Variants in LMO7 observed in about 807,000 individuals in gnomAD.
LMO7 encodes the protein LIM domain only protein 7.
In LMO7, 120 loss-of-function variants were observed where a neutral mutation model predicts 206.5. That is an observed-to-expected ratio of 0.58 (90% CI 0.50 to 0.68). The LOEUF is 0.68. LMO7 is among the 30% of genes least tolerant of loss of function. The pLI, the probability that LMO7 is intolerant of heterozygous loss-of-function variation, is 0.00. For synonymous variants in LMO7, 706 were observed against 681.5 expected (o/e 1.04, Z -0.56); for missense variants, 1,959 against 1,957.9 (o/e 1.00, Z -0.01).
At chr13:75,744,701 A>G (rs2046689292) in intron 3 of LMO7, among the ~76,000 whole-genome samples, 1 of 152,218 alleles carries the variant, frequency 6.6e-6, no homozygotes, top group Admixed American at 6.5e-5. Flanking sequence ...CATCCTGAAA[A>G]TATTTATTGA....
chr13:75,722,494 A>T (rs938312868), intron 2 of LMO7, among the ~76,000 whole-genome samples: 8 of 152,224 alleles, frequency 5.3e-5, no homozygotes, highest in African/African-American at 1.9e-4. Flanking sequence ...CCACAGTGTA[A>T]TACCACCTCA....
intron 4 of LMO7, among the ~76,000 whole-genome samples, chr13:75,786,283 G>T (rs144309989): frequency 1.8e-3 from 280 of 152,156 alleles, no homozygotes; most frequent in Non-Finnish European, 3.4e-3. Flanking sequence ...CCCTTCTGTT[G>T]GTCTTGCTGG....
chr13:75,622,149 C>G (rs755089339), intron 1 of LMO7: 1 of 198,040 alleles, frequency 5.0e-6, no homozygotes, highest in Non-Finnish European at 1.0e-5. Flanking sequence ...GCACGGAATA[C>G]ATAGTAATCA....
At chr13:75,697,712 C>T (rs989890924) in intron 1 of LMO7, among the ~76,000 whole-genome samples, 2 of 152,152 alleles carry the variant, frequency 1.3e-5, no homozygotes, top group Non-Finnish European at 2.9e-5. Flanking sequence ...TTTTAAGATA[C>T]TATTCTTCAT....
chr13:75,626,577 T>TATATATATATATATATATATATATATA lies in LMO7; in HGVS notation c.225+3257_225+3258insATATATATATATATATATATATATATA, dbSNP rs71127564. ...ATTGTCTACCCTCTTAACATATATA[T>TATATATATATATATATATATATATATA]TATATATATATATATAAATTTTTTT... On this transcript the variant is annotated intron_variant, in intron 2 of 29. Coordinates refer to the LMO7 transcript ENST00000341547. Among the ~76,000 whole-genome samples, 173 of 74,422 alleles carry TATATATATATATATATATATATATATA rather than the reference T, an allele frequency of 2.3e-3. 22 individuals are homozygous for TATATATATATATATATATATATATATA. The highest frequency in any genetic ancestry group is 6.8e-3 in the African/African-American group (156 of 22,860). The allele number at this position is 74,422 out of a possible 152,430, so 48.8% of individuals were successfully genotyped here. A position where few individuals can be genotyped will look rare whatever the true frequency, so the allele number is the denominator to read the frequency against.
At chr13:75,769,797 A>C (rs7335067) in intron 4 of LMO7, among the ~76,000 whole-genome samples, 3 of 151,862 alleles carry the variant, frequency 2.0e-5, no homozygotes, top group Non-Finnish European at 2.9e-5. Context: ...TATTACTGTC[A>C]TTACTATAGT....
upstream of LMO7, among the ~76,000 whole-genome samples, chr13:75,635,440 C>G (rs1464724455): frequency 6.6e-6 from 1 of 152,172 alleles, no homozygotes; most frequent in Admixed American, 6.5e-5. Context: ...CGCCCCGCCC[C>G]CAACCCCCCG....
chr13:75,854,328 A>G (rs1318390898), intron 28 of LMO7, among the ~76,000 whole-genome samples: 1 of 152,228 alleles, frequency 6.6e-6, no homozygotes, highest in African/African-American at 2.4e-5. Flanking sequence ...AGGTACTAGT[A>G]TATAAAGTGT....
At chr13:75,708,973 GT>G (rs1336291487) in intron 1 of LMO7, among the ~76,000 whole-genome samples, 1 of 151,896 alleles carries the variant, frequency 6.6e-6, no homozygotes, top group African/African-American at 2.4e-5. Flanking sequence ...ACAGGCCCCG[GT>G]GTGTGATGTT....
chr13:75,811,465 G>T (rs1183500732), intron 11 of LMO7, among the ~76,000 whole-genome samples: 1 of 152,130 alleles, frequency 6.6e-6, no homozygotes, highest in Non-Finnish European at 1.5e-5. Context: ...ATATTTCTCT[G>T]AACATAATGT....
chr13:75,813,283 G>C (rs2056624515), intron 11 of LMO7, among the ~76,000 whole-genome samples: 3 of 152,208 alleles, frequency 2.0e-5, no homozygotes, highest in Admixed American at 2.0e-4. Flanking sequence ...AGCTTGGAGA[G>C]TTAGCTTTTG....
At chr13:75,855,727 C>T (rs1338818151) in intron 29 of LMO7, among the ~76,000 whole-genome samples, 1 of 152,222 alleles carries the variant, frequency 6.6e-6, no homozygotes, top group Non-Finnish European at 1.5e-5. Context: ...ATCACAGTGT[C>T]TGAAAGCCTA....
chr13:75,806,261 G>A, intron 9 of LMO7: 1 of 989,326 alleles, frequency 1.0e-6, no homozygotes, highest in Non-Finnish European at 1.2e-6. Flanking sequence ...GATGAGCCCA[G>A]GTGCCCCTGT....
intron 1 of LMO7, among the ~76,000 whole-genome samples, chr13:75,651,183 A>G (rs936794296): frequency 3.3e-5 from 5 of 152,248 alleles, no homozygotes; most frequent in African/African-American, 1.2e-4. Context: ...TACAATTTAC[A>G]GTAATGCTTT....
In LMO7 at chr13:75,834,402, C is replaced by T; in HGVS notation, c.3226+15C>T. The stretch of plus-strand genomic sequence containing the variant: ...TGGAAAGGCTGGTGAGTTTGTGTTA[C>T]CACCATGTCTGGCATTTGAAACTGG... On this transcript the variant is annotated intron_variant, in intron 17 of 30. Transcript: ENST00000377534. The T allele has an allele frequency of 6.4e-7, 1 of 1,551,220 alleles. No homozygotes were observed. Among genetic ancestry groups the T allele is most frequent in the Non-Finnish European group, 8.7e-7 (1 of 1,147,444 alleles).
intron 2 of LMO7, among the ~76,000 whole-genome samples, chr13:75,723,753 G>T (rs2044230061): frequency 6.6e-6 from 1 of 152,112 alleles, no homozygotes; most frequent in African/African-American, 2.4e-5. Context: ...TTGAAAGTAA[G>T]GGAGGGGAGT....
intron 26 of LMO7, 198 bp from the exon 27 acceptor site, chr13:75,848,881 T>G: frequency 3.7e-6 from 2 of 540,206 alleles, no homozygotes; most frequent in Non-Finnish European, 6.6e-6. Flanking sequence ...ACCAGCAGCG[T>G]AGGAGTGCTC....
chr13:75,706,543 A>G (rs2042671627), intron 1 of LMO7, among the ~76,000 whole-genome samples: 3 of 152,098 alleles, frequency 2.0e-5, no homozygotes, highest in Non-Finnish European at 2.9e-5. Flanking sequence ...CTTATCTTAT[A>G]CTGAAATTTA....
At chr13:75,635,529 C>T (rs1182408973), upstream of LMO7, among the ~76,000 whole-genome samples, 1 of 152,190 alleles carries the variant, frequency 6.6e-6, no homozygotes, top group African/African-American at 2.4e-5. Flanking sequence ...CCTCAAACCA[C>T]GAAGGGTGGG....
Sources: allele counts gnomAD v4.1 joint callset (sites outside exome capture counted in the v4.1 genomes callset), GRCh38; gene constraint gnomAD v4.1.1; transcripts MANE v1.5; gene names NCBI Gene and HGNC (gene_info 2026-07-23, HGNC 2026-07-21).